UQCC1: variants seen among roughly 807,000 people sequenced by gnomAD.
UQCC1 encodes ubiquinol-cytochrome c reductase complex assembly factor 1.
In UQCC1, 38 loss-of-function variants were observed where a neutral mutation model predicts 48.0. That is an observed-to-expected ratio of 0.79 (90% confidence interval 0.61 to 1.04). UQCC1 has a LOEUF of 1.04. UQCC1 is among the 50% of genes least tolerant of loss of function. The probability of loss-of-function intolerance (pLI) is 0.00; values close to 1 mark genes in which losing one functional copy is unlikely to be tolerated. For synonymous variants in UQCC1, 111 were observed against 129.2 expected, an observed-to-expected ratio of 0.86 and a Z score of 0.95; for missense variants, 368 against 381.8, an observed-to-expected ratio of 0.96 and a Z score of 0.30.
At position 35,384,662 on chromosome 20, in the gene UQCC1, A is replaced by AAG. The variant is rs1555813298; in HGVS notation, c.130-531_130-530dup. ...GACCCTGTCTGTAAAAAAAAAAAAAAAGAGAGAGAGAGAGTGAATTCAAAG... is the reference window on the plus strand; with the variant it reads ...GACCCTGTCTGTAAAAAAAAAAAAAAAGAGAGAGAGAGAGAGTGAATTCAAAG... On this transcript the variant is annotated intron_variant, in intron 2 of 9. Transcript: ENST00000374385. The AAG allele has an allele frequency of 3.1e-3, 1,270 of 403,670 alleles. 14 individuals are homozygous for AAG. Among genetic ancestry groups the AAG allele is most frequent in the African/African-American group, 0.022 (1,011 of 45,448 alleles). The allele number at this position is 403,670 out of a possible 1,614,324, so 25.0% of individuals were successfully genotyped here.
intron 6 of UQCC1, among the ~76,000 whole-genome samples, chr20:35,353,409 A>C (rs944730879): frequency 1.8e-4 from 27 of 152,050 alleles, no homozygotes; most frequent in African/African-American, 6.3e-4. Context: ...AAAAAAAAAA[A>C]AATTTAAATT....
intron 1 of UQCC1, among the ~76,000 whole-genome samples, chr20:35,402,081 G>C (rs1367516813): frequency 6.6e-6 from 1 of 152,168 alleles, no homozygotes; most frequent in Non-Finnish European, 1.5e-5. Flanking sequence ...TTACAATGTG[G>C]CATGCTATAA....
At chr20:35,323,797 T>G (rs2061159465) in intron 7 of UQCC1, among the ~76,000 whole-genome samples, 1 of 152,168 alleles carries the variant, frequency 6.6e-6, no homozygotes, top group Non-Finnish European at 1.5e-5. Flanking sequence ...CTGCATTTCT[T>G]CCTTATGTTC....
At chr20:35,338,921 C>A (rs2061348393) in intron 7 of UQCC1, among the ~76,000 whole-genome samples, 2 of 75,938 alleles carry the variant, frequency 2.6e-5, no homozygotes, top group Admixed American at 1.8e-4. Context: ...AGAGATTTTT[C>A]AAAATGCATA....
At chr20:35,324,807 C>T (rs1017554010) in intron 7 of UQCC1, among the ~76,000 whole-genome samples, 2 of 152,170 alleles carry the variant, frequency 1.3e-5, no homozygotes, top group African/African-American at 4.8e-5. Flanking sequence ...CATAGAACTA[C>T]CATATAGCCC....
rs142526962 is a variant in UQCC1, at chr20:35,395,208, T to TC, written c.25-1013dup. ...GGTGATCAGCTCAATCTCCAGCCCC[T>TC]CTCCCCTTCCAAAAGTCAGGGAGGA... On this transcript the variant is annotated intron_variant, in intron 1 of 9. Transcript: ENST00000374385. Among the ~76,000 whole-genome samples the TC allele has an allele frequency of 6.8e-3, 1,037 of 152,034 alleles. 16 individuals carry two copies. The highest frequency in any genetic ancestry group is 0.024 in the African/African-American group (992 of 41,438).
At chr20:35,374,068 T>C in intron 5 of UQCC1, 116 bp downstream of exon 5, 1 of 730,242 alleles carries the variant, frequency 1.4e-6, no homozygotes, top group Non-Finnish European at 2.3e-6. Flanking sequence ...ATTATATGCT[T>C]TGTGCAGGAA....
At chr20:35,393,513 C>A (rs968622666) in intron 2 of UQCC1, among the ~76,000 whole-genome samples, 1 of 147,642 alleles carries the variant, frequency 6.8e-6, no homozygotes, top group African/African-American at 2.6e-5. Flanking sequence ...AACACACACA[C>A]ACACACACAC....
rs191711464 is a variant in UQCC1, at chr20:35,365,588, C to T, written c.464+969G>A. On this transcript the variant is annotated intron_variant, in intron 6 of 9. Coordinates refer to ENST00000374385, the MANE Select transcript of UQCC1 (RefSeq NM_018244.5). The stretch of plus-strand genomic sequence containing the variant: ...ACAAGAATCACTTGAACCTGGGAGA[C>T]GGAGGTTGTAGTGAGCCACAACTGC... 1.7e-3 allele frequency among the ~76,000 whole-genome samples: 249 copies of T among 146,828 alleles called. 1 individual carries two copies. Among genetic ancestry groups the T allele is most frequent in the East Asian group, 9.7e-3 (48 of 4,928 alleles).
chr20:35,338,188 C>G (rs1341012725), intron 7 of UQCC1, among the ~76,000 whole-genome samples: 3 of 152,016 alleles, frequency 2.0e-5, no homozygotes, highest in Non-Finnish European at 4.4e-5. Context: ...CCCCCTTAAT[C>G]TCTATTAGTC....
chr20:35,303,879 T>C lies in UQCC1; in HGVS notation c.*56A>G. The stretch of plus-strand genomic sequence containing the variant: ...GCAGGGTCCTGGACCAACAGGCACT[T>C]CTCTCCTGGAGGTTCCTCGAAGCCA... On this transcript the variant is annotated 3_prime_UTR_variant, in exon 10 of 10. Coordinates refer to ENST00000374385, the MANE Select transcript of UQCC1 (RefSeq NM_018244.5). The C allele has an allele frequency of 6.2e-7, 1 of 1,613,346 alleles. No homozygotes were observed. The highest frequency in any genetic ancestry group is 8.5e-7 in the Non-Finnish European group (1 of 1,179,540).
intron 7 of UQCC1, among the ~76,000 whole-genome samples, chr20:35,326,511 C>T (rs1380861367): frequency 3.9e-5 from 6 of 152,230 alleles, no homozygotes; most frequent in South Asian, 2.1e-4. Context: ...AGTTTGAGCC[C>T]GGCAGGCGTC....
Position 35,355,170 on chromosome 20 carries a change from T to C in UQCC1, c.465-7898A>G, listed in dbSNP as rs528910894. 6.6e-5 allele frequency among the ~76,000 whole-genome samples: 10 copies of C among 152,186 alleles called. No individual in the cohort carries two copies. The East Asian group carries it at 1.3e-3, about 21-fold the overall frequency. On this transcript the variant is annotated intron_variant, in intron 6 of 9. Transcript: ENST00000374385. ...CACAGGCAGTGGCCCCAGATGGGAA[T>C]TGTTATTTTTCTCCTCATCACTGTT...
At chr20:35,385,547 G>A (rs1471477067) in intron 2 of UQCC1, among the ~76,000 whole-genome samples, 3 of 152,154 alleles carry the variant, frequency 2.0e-5, no homozygotes, top group Non-Finnish European at 2.9e-5. Flanking sequence ...TATGGCCCAG[G>A]CTGGAGTGCA....
At chr20:35,356,378 G>A (rs1374883756) in intron 6 of UQCC1, among the ~76,000 whole-genome samples, 1 of 152,042 alleles carries the variant, frequency 6.6e-6, no homozygotes, top group Non-Finnish European at 1.5e-5. Context: ...TCTGATTGAC[G>A]CTGAATTCAA....
intron 2 of UQCC1, among the ~76,000 whole-genome samples, chr20:35,392,893 TA>T: frequency 6.6e-6 from 1 of 151,830 alleles, no homozygotes; most frequent in Non-Finnish European, 1.5e-5. Context: ...TGACTACAGA[TA>T]AAAATCATAA....
chr20:35,316,881 AC>A (rs2061065948), intron 7 of UQCC1, among the ~76,000 whole-genome samples: 1 of 149,556 alleles, frequency 6.7e-6, no homozygotes, highest in Non-Finnish European at 1.5e-5. Context: ...CTCGTGATCC[AC>A]CCGCCTCGGC....
At chr20:35,404,213 C>CA (rs1484550973) in intron 1 of UQCC1, among the ~76,000 whole-genome samples, 1 of 151,936 alleles carries the variant, frequency 6.6e-6, no homozygotes, top group African/African-American at 2.4e-5. Flanking sequence ...ACTAAAAATA[C>CA]AAAAAATTAG....
In UQCC1 at chr20:35,303,122, T is replaced by C. The variant is rs556383712; in HGVS notation, c.*813A>G. ...ATGTTCTCTTCTCCCCAGTATCTCA[T>C]GAAAGGGGAGGCCAAGACAGGAGAC... On this transcript the variant is annotated 3_prime_UTR_variant, in exon 10 of 10. Transcript: ENST00000374385. 6.6e-6 allele frequency: 1 copy of C among 152,252 alleles called. No homozygotes were observed. Among genetic ancestry groups the C allele is most frequent in the South Asian group, 2.1e-4 (1 of 4,826 alleles). 9.4% of individuals were successfully genotyped at this position (152,252 alleles called of 1,614,324 possible).
Sources: gnomAD v4.1 joint callset for allele counts (sites outside exome capture counted in the v4.1 genomes callset) on GRCh38, gnomAD v4.1.1 for gene constraint, MANE v1.5 for transcripts, NCBI Gene and HGNC (gene_info 2026-07-23, HGNC 2026-07-21) for gene names.